NRXN3: variants seen among roughly 807,000 people sequenced by gnomAD.
NRXN3 encodes neurexin 3.
A neutral mutation model predicts 137.6 loss-of-function variants in NRXN3; 32 were observed. The observed-to-expected ratio is 0.23, with a 90% CI of 0.18 to 0.31. The LOEUF is 0.31. Among genes scored for constraint, NRXN3 ranks in the 10% least tolerant of loss-of-function variants. The pLI is 1.00. For synonymous variants in NRXN3, 798 were observed against 784.5 expected (o/e 1.02, Z -0.29); for missense variants, 1,574 against 2,062.5 (o/e 0.76, Z 4.59).
intron 16 of NRXN3, among the ~76,000 whole-genome samples, chr14:79,531,503 C>T (rs1304193132): frequency 6.6e-5 from 10 of 152,050 alleles, no homozygotes; most frequent in Admixed American, 3.9e-4. Flanking sequence ...TTTTAGAGTA[C>T]GTTAATTTTA....
chr14:79,623,408 C>A (rs953592144), intron 16 of NRXN3, among the ~76,000 whole-genome samples: 1 of 152,194 alleles, frequency 6.6e-6, no homozygotes, highest in Non-Finnish European at 1.5e-5. Context: ...CCCATCAACT[C>A]AGTTTAAGGC....
At chr14:78,329,975 CG>C (rs1476848442) in intron 4 of NRXN3, among the ~76,000 whole-genome samples, 1 of 152,076 alleles carries the variant, frequency 6.6e-6, no homozygotes, top group Non-Finnish European at 1.5e-5. Flanking sequence ...ATTGCAGTTA[CG>C]AGCATCAAAA....
chr14:79,676,286 A>G (rs2098640282), intron 17 of NRXN3, among the ~76,000 whole-genome samples: 1 of 152,022 alleles, frequency 6.6e-6, no homozygotes, highest in African/African-American at 2.4e-5. Context: ...ATCAGTTTTT[A>G]TAGATGTGCA....
intron 8 of NRXN3, among the ~76,000 whole-genome samples, chr14:78,722,841 G>C (rs190408304): frequency 2.6e-5 from 4 of 152,180 alleles, no homozygotes; most frequent in Non-Finnish European, 5.9e-5. Flanking sequence ...TGGGACATGA[G>C]TGTGGGGAGA....
intron 15 of NRXN3, among the ~76,000 whole-genome samples, chr14:79,273,123 GAT>G (rs1245322494): frequency 4.8e-5 from 6 of 125,802 alleles, no homozygotes; most frequent in African/African-American, 1.5e-4. Flanking sequence ...AGTGAGCAGA[GAT>G]CACGCCACTG....
intron 20 of NRXN3, among the ~76,000 whole-genome samples, chr14:79,810,653 A>G (rs1363734297): frequency 1.3e-5 from 2 of 152,180 alleles, no homozygotes; most frequent in Admixed American, 6.5e-5. Flanking sequence ...TAAATTTGGC[A>G]TAACACCAAG....
At chr14:78,202,367 G>C (rs10133423) in intron 1 of NRXN3, among the ~76,000 whole-genome samples, 10,377 of 152,294 alleles carry the variant, frequency 0.068, 1,157 homozygotes, top group African/African-American at 0.23. Flanking sequence ...GGTTAAAGAT[G>C]TGGCAGCATT....
chr14:78,709,828 T>G (rs924877509), intron 7 of NRXN3, 173 bp downstream of exon 7: 8 of 620,220 alleles, frequency 1.3e-5, no homozygotes, highest in African/African-American at 1.3e-4. Flanking sequence ...GTCTCATAGA[T>G]GGCTCACATT....
intron 10 of NRXN3, among the ~76,000 whole-genome samples, chr14:78,829,106 G>T (rs975700296): frequency 1.3e-5 from 2 of 152,132 alleles, no homozygotes; most frequent in African/African-American, 4.8e-5. Flanking sequence ...GGAATAGGAA[G>T]ACACCAGTAC....
At chr14:79,295,945 T>G (rs2084027446) in intron 15 of NRXN3, among the ~76,000 whole-genome samples, 2 of 152,034 alleles carry the variant, frequency 1.3e-5, no homozygotes, top group Non-Finnish European at 2.9e-5. Flanking sequence ...TATTCAGTCT[T>G]CTACTGTTTT....
At chr14:79,150,769 G>A (rs186360353) in intron 15 of NRXN3, among the ~76,000 whole-genome samples, 220 of 149,858 alleles carry the variant, frequency 1.5e-3, no homozygotes, top group South Asian at 3.2e-3. Context: ...TAAACTCCAA[G>A]AAGGCAAACC....
intron 15 of NRXN3, among the ~76,000 whole-genome samples, chr14:79,134,653 T>C (rs958340596): frequency 1.3e-5 from 2 of 152,166 alleles, no homozygotes; most frequent in Non-Finnish European, 2.9e-5. Context: ...TCCAGAAAAT[T>C]CCAGGCACTT....
chr14:79,725,214 C>T (rs1026674021), intron 19 of NRXN3, among the ~76,000 whole-genome samples: 7 of 152,062 alleles, frequency 4.6e-5, no homozygotes, highest in African/African-American at 7.2e-5. Flanking sequence ...ACATTGGCTG[C>T]GGGCCAAGAA....
At chr14:78,711,274 T>C (rs1250735072) in intron 7 of NRXN3, among the ~76,000 whole-genome samples, 4 of 152,074 alleles carry the variant, frequency 2.6e-5, no homozygotes, top group Non-Finnish European at 4.4e-5. Context: ...TTCATTTCTG[T>C]CTGTTCCTAA....
chr14:79,813,668 T>C (rs1025997726), intron 20 of NRXN3, among the ~76,000 whole-genome samples: 2 of 152,108 alleles, frequency 1.3e-5, no homozygotes, highest in African/African-American at 2.4e-5. Context: ...TCCAAGAAAG[T>C]TGTGTACAAA....
At chr14:78,178,772 T>C (rs1350406663) in intron 1 of NRXN3, among the ~76,000 whole-genome samples, 1 of 152,082 alleles carries the variant, frequency 6.6e-6, no homozygotes. Context: ...TTTTTTAGGA[T>C]TACACAGTGA....
At chr14:78,619,217 C>G (rs2097374798) in intron 4 of NRXN3, among the ~76,000 whole-genome samples, 1 of 152,148 alleles carries the variant, frequency 6.6e-6, no homozygotes, top group Non-Finnish European at 1.5e-5. Flanking sequence ...GATTGAGGAG[C>G]CTGTTACCTG....
chr14:79,755,307 ATTTTTGTTTTTTG>A (rs2099015565), intron 19 of NRXN3, among the ~76,000 whole-genome samples: 1 of 152,026 alleles, frequency 6.6e-6, no homozygotes, highest in Non-Finnish European at 1.5e-5. Flanking sequence ...TATTATTTAT[ATTTTTGTTTTTTG>A]AATCTACGGT....
rs555193196 is a variant in NRXN3 at position 78,237,925 on chromosome 14, G to C, written c.-703-4466G>C. 2.0e-5 allele frequency among the ~76,000 whole-genome samples: 3 copies of C among 152,266 alleles called. No individual in the cohort carries two copies. The South Asian group carries it at 6.2e-4, about 32-fold the overall frequency. ...TGGGGACTGTGGGATGCCCGCAAAG[G>C]CTGGGCACAAGGACAGTCATCATCG... On this transcript the variant is annotated intron_variant, in intron 1 of 20. Transcript: ENST00000335750.
Sources: allele counts gnomAD v4.1 joint callset (sites outside exome capture counted in the v4.1 genomes callset), GRCh38; gene constraint gnomAD v4.1.1; transcripts MANE v1.5; gene names NCBI Gene and HGNC (gene_info 2026-07-23, HGNC 2026-07-21).